HPSE2: variants seen among roughly 807,000 people sequenced by gnomAD.
HPSE2 encodes heparanase 2 (inactive).
In HPSE2, 38 loss-of-function variants were observed where a neutral mutation model predicts 60.5. The ratio of observed to expected loss-of-function variants is 0.63; its 90% CI spans 0.48 to 0.82. The LOEUF is 0.82. Among genes scored for constraint, HPSE2 ranks in the 40% least tolerant of loss-of-function variants. The pLI is 0.00. For synonymous variants in HPSE2, 295 were observed against 293.2 expected (o/e 1.01, Z -0.06); for missense variants, 713 against 740.4 (o/e 0.96, Z 0.43).
At chr10:98,646,828 AC>A (rs1946782304) in intron 6 of HPSE2, among the ~76,000 whole-genome samples, 1 of 152,252 alleles carries the variant, frequency 6.6e-6, no homozygotes, top group Non-Finnish European at 1.5e-5. Flanking sequence ...TAGAGAATGA[AC>A]ATGAACAAAA....
At chr10:98,808,550 C>T (rs1428064268) in intron 3 of HPSE2, among the ~76,000 whole-genome samples, 1 of 152,148 alleles carries the variant, frequency 6.6e-6, no homozygotes, top group Non-Finnish European at 1.5e-5. Context: ...AGCCCTTCAA[C>T]TAACACTTAG....
intron 3 of HPSE2, among the ~76,000 whole-genome samples, chr10:98,986,068 C>A (rs1956339625): frequency 6.6e-6 from 1 of 152,138 alleles, no homozygotes; most frequent in Non-Finnish European, 1.5e-5. Context: ...CCACTGTCGA[C>A]ACTAGACAGA....
chr10:98,648,061 G>C (rs1287547916), intron 6 of HPSE2, among the ~76,000 whole-genome samples: 1 of 152,208 alleles, frequency 6.6e-6, no homozygotes, highest in African/African-American at 2.4e-5. Context: ...GAAAGAATGA[G>C]TGCCTGTATG....
chr10:99,006,701 C>A (rs1956902173), intron 3 of HPSE2, among the ~76,000 whole-genome samples: 1 of 152,166 alleles, frequency 6.6e-6, no homozygotes, highest in African/African-American at 2.4e-5. Flanking sequence ...GAACCTACAG[C>A]CCAAGTCTGT....
At chr10:99,281,528 T>G in the HPSE2 span, among the ~76,000 whole-genome samples, 1 of 152,082 alleles carries the variant, frequency 6.6e-6, no homozygotes, top group Non-Finnish European at 1.5e-5. Context: ...CATTCTTGAT[T>G]ATTTCATTTA....
the HPSE2 span, among the ~76,000 whole-genome samples, chr10:99,303,817 G>A: frequency 2.0e-5 from 3 of 152,174 alleles, no homozygotes; most frequent in African/African-American, 7.2e-5. Context: ...ACCCCTCCTA[G>A]GATGTTTGAT....
chr10:98,883,081 T>C (rs1277442749), intron 3 of HPSE2, among the ~76,000 whole-genome samples: 1 of 152,116 alleles, frequency 6.6e-6, no homozygotes, highest in East Asian at 1.9e-4. Context: ...GTTGACCATC[T>C]TCCTAGCTCT....
At chr10:99,313,496 G>A in the HPSE2 span, among the ~76,000 whole-genome samples, 1 of 151,376 alleles carries the variant, frequency 6.6e-6, no homozygotes, top group African/African-American at 2.4e-5. Context: ...TCCTGGTAAA[G>A]ATGCTGTGAA....
chr10:98,461,897 G>T, intron 11 of HPSE2: 1 of 1,035,488 alleles, frequency 9.7e-7, no homozygotes, highest in Non-Finnish European at 1.5e-6. Flanking sequence ...CCTGGAACAG[G>T]CCCTATTCTG....
intron 3 of HPSE2, among the ~76,000 whole-genome samples, chr10:99,045,279 G>C (rs1323628850): frequency 6.6e-6 from 1 of 152,048 alleles, no homozygotes; most frequent in African/African-American, 2.4e-5. Flanking sequence ...CTGAAATTAA[G>C]GCAGAGATTA....
intron 3 of HPSE2, among the ~76,000 whole-genome samples, chr10:98,845,756 A>C (rs1952019849): frequency 6.6e-6 from 1 of 152,186 alleles, no homozygotes; most frequent in African/African-American, 2.4e-5. Context: ...TCTACTCTCC[A>C]GTGTGTCCTG....
intron 7 of HPSE2, among the ~76,000 whole-genome samples, chr10:98,630,355 G>A (rs922935959): frequency 1.3e-5 from 2 of 151,790 alleles, no homozygotes; most frequent in Non-Finnish European, 2.9e-5. Flanking sequence ...CCGCCACCAC[G>A]CCCAACTAAT....
chr10:98,736,058 T>C (rs552861207), intron 4 of HPSE2, among the ~76,000 whole-genome samples: 37 of 152,232 alleles, frequency 2.4e-4, no homozygotes, highest in Non-Finnish European at 4.3e-4. Flanking sequence ...TCAAATCTCA[T>C]CTTAATTGTA....
At chr10:98,649,928 C>T (rs1277158506) in intron 6 of HPSE2, among the ~76,000 whole-genome samples, 1 of 152,212 alleles carries the variant, frequency 6.6e-6, no homozygotes, top group Non-Finnish European at 1.5e-5. Context: ...TCCCATTCAC[C>T]TGAGCTTGCT....
chr10:99,064,593 A>G (rs1423441784), intron 3 of HPSE2, among the ~76,000 whole-genome samples: 1 of 108,696 alleles, frequency 9.2e-6, no homozygotes, highest in African/African-American at 3.1e-5. Context: ...TATGGGGAAA[A>G]TATTTACTTA....
At chr10:98,843,289 T>C (rs1951961621) in intron 3 of HPSE2, among the ~76,000 whole-genome samples, 1 of 152,156 alleles carries the variant, frequency 6.6e-6, no homozygotes. Flanking sequence ...AGTGAAAACA[T>C]GCAGTATTTG....
chr10:98,871,856 A>G (rs555209517), intron 3 of HPSE2, among the ~76,000 whole-genome samples: 9 of 152,292 alleles, frequency 5.9e-5, no homozygotes, highest in African/African-American at 1.9e-4. Flanking sequence ...GACTGTATCT[A>G]CTGTGAAAAC....
chr10:98,986,177 A>G (rs1956342969), intron 3 of HPSE2, among the ~76,000 whole-genome samples: 1 of 152,216 alleles, frequency 6.6e-6, no homozygotes, highest in Non-Finnish European at 1.5e-5. Context: ...ACCCCAAATC[A>G]ACAGAATAAA....
chr10:99,021,241 AAG>A (rs1957255401), intron 3 of HPSE2, among the ~76,000 whole-genome samples: 1 of 152,234 alleles, frequency 6.6e-6, no homozygotes, highest in South Asian at 2.1e-4. Context: ...CATTAATAAT[AAG>A]AGTTTATTGA....
Sources: allele counts gnomAD v4.1 joint callset (sites outside exome capture counted in the v4.1 genomes callset), GRCh38; gene constraint gnomAD v4.1.1; transcripts MANE v1.5; gene names NCBI Gene and HGNC (gene_info 2026-07-23, HGNC 2026-07-21).